The following USH2A variants were observed in gnomAD, a reference collection of about 807,000 sequenced individuals.
USH2A encodes the protein usherin, also known as Usher syndrome 2A (autosomal recessive, mild).
Under a neutral mutation model 538.9 loss-of-function variants are expected in USH2A, and 443 were observed. That is an observed-to-expected ratio of 0.82 (90% CI 0.76 to 0.89). The LOEUF (loss-of-function observed/expected upper bound fraction) is 0.89, where lower values mean the gene tolerates loss of function less well. USH2A is among the 40% of genes least tolerant of loss of function. The probability of loss-of-function intolerance (pLI) is 0.00; values close to 1 mark genes in which losing one functional copy is unlikely to be tolerated. For missense variants in USH2A, 6,633 were observed against 6,324.8 expected (o/e 1.05, Z -1.65); for synonymous variants, 2,413 against 2,273.5 (o/e 1.06, Z -1.75).
At chr1:215,840,494 A>T (rs1159299437) in intron 46 of USH2A, among the ~76,000 whole-genome samples, 1 of 152,160 alleles carries the variant, frequency 6.6e-6, no homozygotes, top group Admixed American at 6.5e-5. Flanking sequence ...ATTGGATTCT[A>T]CTTTGATCTT....
At chr1:215,920,704 T>C (rs886776061) in intron 38 of USH2A, among the ~76,000 whole-genome samples, 1 of 152,038 alleles carries the variant, frequency 6.6e-6, no homozygotes, top group African/African-American at 2.4e-5. Context: ...ATAAGTTGAA[T>C]TGTGATATTT....
intron 38 of USH2A, among the ~76,000 whole-genome samples, chr1:215,910,717 T>G (rs1216646017): frequency 7.3e-5 from 11 of 151,584 alleles, no homozygotes; most frequent in Non-Finnish European, 7.4e-5. Flanking sequence ...AGTATCTTCT[T>G]AAGTATCACT....
At chr1:215,806,931 G>A (rs1243246163) in intron 49 of USH2A, among the ~76,000 whole-genome samples, 2 of 151,970 alleles carry the variant, frequency 1.3e-5, no homozygotes, top group African/African-American at 4.8e-5. Context: ...TTCCCCAAGA[G>A]TTTACGACAA....
intron 4 of USH2A, among the ~76,000 whole-genome samples, chr1:216,333,208 C>T (rs1030346292): frequency 1.3e-5 from 2 of 151,944 alleles, no homozygotes; most frequent in Admixed American, 6.6e-5. Flanking sequence ...CTTTGGGAGG[C>T]TGAGGTGGGA....
chr1:215,743,076 A>T (rs1660351072), intron 59 of USH2A, 101 bp downstream of exon 59: 1 of 1,414,032 alleles, frequency 7.1e-7, no homozygotes, highest in South Asian at 1.2e-5. Context: ...GTGAAACGTT[A>T]GTCTTTATAT....
At chr1:216,405,665 C>T (rs192158459) in intron 3 of USH2A, among the ~76,000 whole-genome samples, 14 of 152,276 alleles carry the variant, frequency 9.2e-5, no homozygotes, top group East Asian at 1.9e-4. Context: ...AACTGCCATA[C>T]GCTATTGCAC....
chr1:216,306,236 TG>T (rs1299449704), intron 9 of USH2A, among the ~76,000 whole-genome samples: 3 of 152,128 alleles, frequency 2.0e-5, no homozygotes, highest in Non-Finnish European at 4.4e-5. Context: ...TTTGTTTGAT[TG>T]GGTTAATTCA....
At chr1:216,401,914 T>C (rs921660508) in intron 3 of USH2A, among the ~76,000 whole-genome samples, 4 of 152,108 alleles carry the variant, frequency 2.6e-5, no homozygotes, top group African/African-American at 4.8e-5. Flanking sequence ...CATTACAATA[T>C]AGAATCACTC....
intron 21 of USH2A, among the ~76,000 whole-genome samples, chr1:216,153,936 C>A (rs922039538): frequency 1.2e-4 from 19 of 152,130 alleles, no homozygotes; most frequent in African/African-American, 4.6e-4. Context: ...TTTTTTCCAA[C>A]TACTGAATTT....
intron 21 of USH2A, among the ~76,000 whole-genome samples, chr1:216,158,427 T>G (rs1477177342): frequency 6.6e-6 from 1 of 151,986 alleles, no homozygotes; most frequent in Non-Finnish European, 1.5e-5. Context: ...AGAGATGAGG[T>G]CTCACTATGT....
chr1:215,716,305 C>T (rs1659483749), intron 61 of USH2A, among the ~76,000 whole-genome samples: 2 of 152,230 alleles, frequency 1.3e-5, no homozygotes, highest in Admixed American at 1.3e-4. Flanking sequence ...AGCTATGCGT[C>T]TTGACGGATT....
In USH2A at chr1:216,253,652, C is replaced by T. The variant is rs148197927; in HGVS notation, c.1972-2554G>A. On this transcript the variant is annotated intron_variant, in intron 11 of 71. Coordinates refer to ENST00000307340, the MANE Select transcript of USH2A (RefSeq NM_206933.4). The stretch of plus-strand genomic sequence containing the variant: ...CCTGACCCTACACTTCTGCTTCTTC[C>T]ATTTTGAAGTCTTTCTGGCTTCTGC... 2.0e-4 allele frequency among the ~76,000 whole-genome samples: 31 copies of T among 152,314 alleles called. No homozygotes were observed. In the East Asian group the frequency reaches 6.0e-3, roughly 29 times the overall value.
At chr1:216,124,178 A>G (rs1027900654) in intron 21 of USH2A, among the ~76,000 whole-genome samples, 2 of 152,196 alleles carry the variant, frequency 1.3e-5, no homozygotes, top group African/African-American at 4.8e-5. Flanking sequence ...AAGTAATTAA[A>G]TTGACAGAGG....
chr1:216,249,081 T>C (rs1382344830), intron 12 of USH2A, among the ~76,000 whole-genome samples: 1 of 152,110 alleles, frequency 6.6e-6, no homozygotes, highest in Non-Finnish European at 1.5e-5. Context: ...TTCTTTTTTT[T>C]TCATATTAAC....
At chr1:215,692,568 T>A (rs1161083123) in intron 61 of USH2A, among the ~76,000 whole-genome samples, 1 of 152,148 alleles carries the variant, frequency 6.6e-6, no homozygotes, top group Non-Finnish European at 1.5e-5. Flanking sequence ...GCCAATTAAC[T>A]GTGAGTTAGC....
intron 35 of USH2A, among the ~76,000 whole-genome samples, chr1:215,975,606 TAA>T (rs950692322): frequency 1.3e-5 from 2 of 152,230 alleles, no homozygotes; most frequent in African/African-American, 2.4e-5. Context: ...GTTGACTTTG[TAA>T]AAGATCAGAT....
At position 215,695,912 on chromosome 1, in the gene USH2A, A is replaced by T. The variant is rs890514780; in HGVS notation, c.12067-15536T>A. On this transcript the variant is annotated intron_variant, in intron 61 of 71. Transcript: ENST00000307340. ...TTACAGGTGTGTGCCACCACACCCA[A>T]ATTTTTGTATTTTTTTTTTAGAGAC... is the stretch of plus-strand genomic sequence containing the variant. 5.3e-5 allele frequency among the ~76,000 whole-genome samples: 8 copies of T among 151,816 alleles called. No individual in the cohort carries two copies. The East Asian group carries it at 5.8e-4, about 11-fold the overall frequency.
chr1:216,018,839 T>A (rs1261030220), intron 32 of USH2A, among the ~76,000 whole-genome samples: 3 of 152,170 alleles, frequency 2.0e-5, no homozygotes, highest in Admixed American at 2.0e-4. Context: ...ATTTACATAT[T>A]TTTTTCTTTT....
intron 37 of USH2A, among the ~76,000 whole-genome samples, chr1:215,942,391 C>A (rs916476595): frequency 6.6e-6 from 1 of 152,076 alleles, no homozygotes; most frequent in Non-Finnish European, 1.5e-5. Context: ...TTTGAAGACA[C>A]CCAAGGGAAG....
Sources: gnomAD v4.1 joint callset for allele counts (sites outside exome capture counted in the v4.1 genomes callset) on GRCh38, gnomAD v4.1.1 for gene constraint, MANE v1.5 for transcripts, NCBI Gene and HGNC (gene_info 2026-07-23, HGNC 2026-07-21) for gene names.